Variants in AMPH observed in about 807,000 individuals in gnomAD.
The protein encoded by AMPH is amphiphysin (Stiff-Mann syndrome with breast cancer 128kD autoantigen).
A neutral mutation model predicts 99.1 loss-of-function variants in AMPH; 49 were observed. The observed-to-expected ratio is 0.49, with a 90% confidence interval of 0.39 to 0.63. The LOEUF (loss-of-function observed/expected upper bound fraction) is 0.63, where lower values mean the gene tolerates loss of function less well. AMPH is among the 20% of genes least tolerant of loss of function. The pLI, the probability that AMPH is intolerant of heterozygous loss-of-function variation, is 0.00. For missense variants in AMPH, 759 were observed against 863.4 expected, an observed-to-expected ratio of 0.88 and a Z score of 1.52; for synonymous variants, 314 against 317.3, an observed-to-expected ratio of 0.99 and a Z score of 0.11.
intron 1 of AMPH, among the ~76,000 whole-genome samples, chr7:38,594,367 C>T (rs1792973260): frequency 6.6e-6 from 1 of 152,176 alleles, no homozygotes; most frequent in Non-Finnish European, 1.5e-5. Flanking sequence ...CTAAAACACC[C>T]TTTCCTCCTA....
chr7:38,438,085 C>A (rs892620629), intron 11 of AMPH, among the ~76,000 whole-genome samples: 1 of 152,120 alleles, frequency 6.6e-6, no homozygotes, highest in Non-Finnish European at 1.5e-5. Flanking sequence ...TTTTCCCCAA[C>A]TTTTATGTAG....
intron 1 of AMPH, among the ~76,000 whole-genome samples, chr7:38,537,240 T>G (rs185817862): frequency 6.6e-6 from 1 of 152,062 alleles, no homozygotes; most frequent in East Asian, 1.9e-4. Context: ...GAGGCAACCA[T>G]GAGGGACCTA....
At chr7:38,579,563 T>C (rs1372306433) in intron 1 of AMPH, among the ~76,000 whole-genome samples, 1 of 152,246 alleles carries the variant, frequency 6.6e-6, no homozygotes, top group Non-Finnish European at 1.5e-5. Context: ...TCTTGACTTA[T>C]GTTCAGGTAT....
chr7:38,452,672 T>C (rs1022004062), intron 11 of AMPH, among the ~76,000 whole-genome samples: 4 of 152,232 alleles, frequency 2.6e-5, no homozygotes, highest in African/African-American at 9.6e-5. Flanking sequence ...GGAATAAATC[T>C]ATTAATTCAC....
chr7:38,544,334 G>A (rs972652967), intron 1 of AMPH, among the ~76,000 whole-genome samples: 1 of 152,170 alleles, frequency 6.6e-6, no homozygotes, highest in Non-Finnish European at 1.5e-5. Flanking sequence ...ATGAGCAAAA[G>A]GCCAAAGAGG....
At chr7:38,586,264 C>T (rs1792642422) in intron 1 of AMPH, among the ~76,000 whole-genome samples, 1 of 152,182 alleles carries the variant, frequency 6.6e-6, no homozygotes, top group African/African-American at 2.4e-5. Context: ...AGCTTCAACC[C>T]CTTATCAACA....
intron 1 of AMPH, among the ~76,000 whole-genome samples, chr7:38,581,704 C>T (rs537368861): frequency 3.4e-4 from 52 of 152,160 alleles, no homozygotes; most frequent in African/African-American, 1.2e-3. Context: ...CAGGATGTTA[C>T]GGTGTTGGTA....
At chr7:38,418,031 G>C in intron 16 of AMPH, 81 bp from the exon 17 acceptor site, 1 of 1,459,864 alleles carries the variant, frequency 6.8e-7, no homozygotes, top group Non-Finnish European at 9.2e-7. Flanking sequence ...GGACAATTAA[G>C]ATTTTCTTTG....
At chr7:38,418,874 T>C (rs1785488178) in intron 16 of AMPH, among the ~76,000 whole-genome samples, 2 of 152,098 alleles carry the variant, frequency 1.3e-5, no homozygotes, top group South Asian at 4.1e-4. Context: ...ATCAAGGCCT[T>C]TTTAGTTTTA....
chr7:38,509,856 G>T (rs752745410), intron 2 of AMPH, among the ~76,000 whole-genome samples: 2 of 152,078 alleles, frequency 1.3e-5, no homozygotes, highest in African/African-American at 4.8e-5. Flanking sequence ...CTTGCTGTTC[G>T]GTGTCTCCTG....
At chr7:38,455,388 G>C (rs1787192850) in intron 11 of AMPH, among the ~76,000 whole-genome samples, 1 of 152,048 alleles carries the variant, frequency 6.6e-6, no homozygotes, top group Admixed American at 6.6e-5. Context: ...CTTTATTCTG[G>C]GAGATTCTCA....
rs371270277 is a variant in AMPH at position 38,433,498 on chromosome 7, G to A, written c.1135-1286C>T. Reference sequence around the variant, plus strand: ...CCCAGCACTTTGGGAGGCCGAGGCGGGCGGATCACGAGGTCAGGAGATCGA... The same window carrying A: ...CCCAGCACTTTGGGAGGCCGAGGCGAGCGGATCACGAGGTCAGGAGATCGA... On this transcript the variant is annotated intron_variant, in intron 12 of 20. Coordinates refer to ENST00000356264, the MANE Select transcript of AMPH (RefSeq NM_001635.4). Among the ~76,000 whole-genome samples the A allele has an allele frequency of 4.0e-5, 6 of 151,838 alleles. No homozygotes were observed. The East Asian group carries it at 7.7e-4, about 20-fold the overall frequency.
Position 38,392,015 on chromosome 7 carries a change from C to T in AMPH, c.1611G>A (p.Glu537=). The T allele has an allele frequency of 6.2e-7, 1 of 1,604,370 alleles. No individual in the cohort carries two copies. The highest frequency in any genetic ancestry group is 8.5e-7 in the Non-Finnish European group (1 of 1,179,852). The change falls in exon 19 of 21, where the codon GAG becomes GAA. Residue 537 remains glutamate (E), a splice_region_variant and synonymous_variant. Transcript: ENST00000356264. The stretch of plus-strand genomic sequence containing the variant: ...CTATGACCACCGAAGGAATGACCTT[C>T]TCCTGGGGGAAGAAAAACCGTGGCG... ...AEELEATVPQ[E]KVIPSVVIEP...
At chr7:38,597,633 AG>A (rs920933567) in intron 1 of AMPH, among the ~76,000 whole-genome samples, 30 of 152,276 alleles carry the variant, frequency 2.0e-4, no homozygotes, top group African/African-American at 6.7e-4. Context: ...TCACAAGCAG[AG>A]GCAAAAATTA....
At chr7:38,631,188 C>T (rs1223181838) in intron 1 of AMPH, 95 bp downstream of exon 1, 3 of 1,130,106 alleles carry the variant, frequency 2.7e-6, no homozygotes, top group Non-Finnish European at 2.2e-6. Flanking sequence ...CGCGCCGCAC[C>T]CCGAGGCTCG....
intron 1 of AMPH, among the ~76,000 whole-genome samples, chr7:38,583,782 C>T (rs1324171676): frequency 6.6e-6 from 1 of 152,198 alleles, no homozygotes; most frequent in Admixed American, 6.5e-5. Flanking sequence ...CACTGGGTGC[C>T]CTGGAGGCAG....
intron 3 of AMPH, among the ~76,000 whole-genome samples, chr7:38,500,857 C>A (rs1294408093): frequency 6.6e-6 from 1 of 152,140 alleles, no homozygotes; most frequent in Non-Finnish European, 1.5e-5. Flanking sequence ...TACTTCTTTG[C>A]AAATGTAAAA....
In AMPH at chr7:38,533,464, C is replaced by T. The variant is rs114407775; in HGVS notation, c.150+1467G>A. 7.3e-3 allele frequency among the ~76,000 whole-genome samples: 1,110 copies of T among 152,230 alleles called. 12 individuals are homozygous for T. Among genetic ancestry groups the T allele is most frequent in the African/African-American group, 0.026 (1,073 of 41,538 alleles). Reference sequence around the variant, plus strand: ...GTCTTGGGATGAAACTGGAGACATTCAGGAATGCGTTTTGGCAAAACTGAT... The same window carrying T: ...GTCTTGGGATGAAACTGGAGACATTTAGGAATGCGTTTTGGCAAAACTGAT... On this transcript the variant is annotated intron_variant, in intron 2 of 20. Transcript: ENST00000356264.
At chr7:38,482,545 T>A (rs1446354762) in intron 5 of AMPH, among the ~76,000 whole-genome samples, 3 of 152,178 alleles carry the variant, frequency 2.0e-5, no homozygotes, top group Admixed American at 2.0e-4. Flanking sequence ...TATGTGCTTG[T>A]ATTCTGAAAT....
Sources: allele counts gnomAD v4.1 joint callset (sites outside exome capture counted in the v4.1 genomes callset), GRCh38; gene constraint gnomAD v4.1.1; transcripts MANE v1.5; gene names NCBI Gene and HGNC (gene_info 2026-07-23, HGNC 2026-07-21).